Variants in AHCYL2 observed in about 807,000 individuals in gnomAD.
The protein encoded by AHCYL2 is adenosylhomocysteinase like 2.
AHCYL2 carries 28 observed loss-of-function variants against 81.4 expected under a neutral mutation model. The ratio of observed to expected loss-of-function variants is 0.34; its 90% CI spans 0.25 to 0.47. The LOEUF (loss-of-function observed/expected upper bound fraction) is 0.47, where lower values mean the gene tolerates loss of function less well. AHCYL2 is among the 20% of genes least tolerant of loss of function. AHCYL2 has a pLI of 1.00. For missense variants in AHCYL2, 551 were observed against 785.1 expected, an observed-to-expected ratio of 0.70 and a Z score of 3.56; for synonymous variants, 272 against 290.2, an observed-to-expected ratio of 0.94 and a Z score of 0.64.
intron 1 of AHCYL2, among the ~76,000 whole-genome samples, chr7:129,290,908 C>T (rs1218883427): frequency 6.7e-6 from 1 of 149,912 alleles, no homozygotes; most frequent in Admixed American, 6.7e-5. Flanking sequence ...CTAGCCTGGG[C>T]GACAGAGTGA....
chr7:129,334,272 C>T (rs745349006), intron 1 of AHCYL2, among the ~76,000 whole-genome samples: 1 of 152,162 alleles, frequency 6.6e-6, no homozygotes, highest in South Asian at 2.1e-4. Context: ...GGGAAGATGG[C>T]TGCCTAACTT....
At chr7:129,405,234 G>A in intron 8 of AHCYL2, 21 bp downstream of exon 8, 3 of 1,561,950 alleles carry the variant, frequency 1.9e-6, no homozygotes, top group African/African-American at 1.4e-5. Flanking sequence ...TTATCTTTGA[G>A]ATGAAGTTGT....
At chr7:129,281,346 A>G (rs141895846) in intron 1 of AHCYL2, among the ~76,000 whole-genome samples, 23 of 152,166 alleles carry the variant, frequency 1.5e-4, no homozygotes, top group African/African-American at 4.6e-4. Context: ...AGGCTTTGGT[A>G]TTAGGATAAT....
chr7:129,420,477 C>CTTTTT (rs11414828), intron 12 of AHCYL2, among the ~76,000 whole-genome samples: 2 of 126,832 alleles, frequency 1.6e-5, no homozygotes, highest in African/African-American at 2.9e-5. Flanking sequence ...TGCTTAAATT[C>CTTTTT]TTTTTTTTTT....
intron 1 of AHCYL2, among the ~76,000 whole-genome samples, chr7:129,350,240 C>T (rs1584810572): frequency 6.6e-6 from 1 of 152,126 alleles, no homozygotes; most frequent in East Asian, 1.9e-4. Context: ...GGGTCAGTCA[C>T]TTATCCTGTC....
chr7:129,304,935 G>GT (rs143666441), intron 1 of AHCYL2, among the ~76,000 whole-genome samples: 10,078 of 142,020 alleles, frequency 0.071, 1,076 homozygotes, highest in African/African-American at 0.24. Flanking sequence ...TTGTTTTCTG[G>GT]TTTTTTTTTT....
At chr7:129,399,200 G>C (rs539794223) in intron 5 of AHCYL2, among the ~76,000 whole-genome samples, 1 of 141,956 alleles carries the variant, frequency 7.0e-6, no homozygotes, top group East Asian at 2.2e-4. Flanking sequence ...TGTAATCCCA[G>C]CACTTTGGGA....
chr7:129,336,361 C>A (rs1345887344), intron 1 of AHCYL2, among the ~76,000 whole-genome samples: 1 of 152,106 alleles, frequency 6.6e-6, no homozygotes, highest in Non-Finnish European at 1.5e-5. Context: ...AGCCACCCCA[C>A]CCAGCCTGAA....
At chr7:129,411,861 A>G (rs186448508) in intron 11 of AHCYL2, among the ~76,000 whole-genome samples, 1 of 152,016 alleles carries the variant, frequency 6.6e-6, no homozygotes, top group African/African-American at 2.4e-5. Flanking sequence ...TGAGTAATGT[A>G]TCATTGTATG....
At chr7:129,411,823 A>G (rs1192527691) in intron 11 of AHCYL2, among the ~76,000 whole-genome samples, 1 of 151,762 alleles carries the variant, frequency 6.6e-6, no homozygotes, top group African/African-American at 2.4e-5. Flanking sequence ...GTGATGGCAT[A>G]TATCAGTACC....
chr7:129,370,176 C>T (rs374432464), intron 1 of AHCYL2, among the ~76,000 whole-genome samples: 11 of 152,114 alleles, frequency 7.2e-5, no homozygotes, highest in Admixed American at 2.0e-4. Context: ...TAGTCCTCAC[C>T]GTCTTACAAG....
chr7:129,410,702 A>T (rs1409790198), intron 11 of AHCYL2, among the ~76,000 whole-genome samples: 10 of 152,208 alleles, frequency 6.6e-5, no homozygotes, highest in Admixed American at 6.5e-4. Context: ...ATTCCCAAAG[A>T]GGTAGATTTT....
At chr7:129,400,543 C>T (rs775413182) in intron 6 of AHCYL2, among the ~76,000 whole-genome samples, 159 bp downstream of exon 6, 9 of 152,186 alleles carry the variant, frequency 5.9e-5, no homozygotes, top group Admixed American at 2.6e-4. Flanking sequence ...TCTTATGCTA[C>T]GGGTACCCCA....
chr7:129,374,096 T>C lies in AHCYL2; in HGVS notation c.364-5542T>C, dbSNP rs552561999. Among the ~76,000 whole-genome samples, 24 of 152,276 alleles carry C rather than the reference T, an allele frequency of 1.6e-4. 1 individual carries two copies. In the East Asian group the frequency reaches 1.9e-3, roughly 12 times the overall value. On this transcript the variant is annotated intron_variant, in intron 1 of 16. Coordinates refer to ENST00000325006, the MANE Select transcript of AHCYL2 (RefSeq NM_015328.4). Reference sequence around the variant, plus strand: ...ATGTCATTTCTAAGATGTAATCTGATACGAAAATGAATTTAAAGAGTAATT... The same window carrying C: ...ATGTCATTTCTAAGATGTAATCTGACACGAAAATGAATTTAAAGAGTAATT...
chr7:129,276,922 A>G (rs930539514), intron 1 of AHCYL2, among the ~76,000 whole-genome samples: 3 of 152,192 alleles, frequency 2.0e-5, no homozygotes, highest in Admixed American at 2.0e-4. Context: ...AGCATAGATT[A>G]TGAAATAACA....
rs369637888 is a variant in AHCYL2, at chr7:129,298,279, A to G, written c.363+72840A>G. On this transcript the variant is annotated intron_variant, in intron 1 of 16. Coordinates refer to ENST00000325006, the MANE Select transcript of AHCYL2 (RefSeq NM_015328.4). ...ATTTCTGATTCCTTAGTGAAATCTG[A>G]TTTAGGAAATACAAGGTAGCCTGGT... Among the ~76,000 whole-genome samples the G allele has an allele frequency of 1.8e-4, 27 of 152,314 alleles. No individual in the cohort carries two copies. The East Asian group carries it at 3.1e-3, about 17-fold the overall frequency.
At chr7:129,269,500 G>A (rs1288080572) in intron 1 of AHCYL2, among the ~76,000 whole-genome samples, 1 of 151,990 alleles carries the variant, frequency 6.6e-6, no homozygotes, top group Non-Finnish European at 1.5e-5. Context: ...TGCTAACCAG[G>A]CTGGTCTTGA....
chr7:129,393,834 G>A (rs1435026973), intron 4 of AHCYL2, among the ~76,000 whole-genome samples: 2 of 152,108 alleles, frequency 1.3e-5, no homozygotes, highest in Non-Finnish European at 2.9e-5. Context: ...AAATGTCATT[G>A]TTCCCAGATC....
chr7:129,256,486 G>A (rs1365375760), intron 1 of AHCYL2, among the ~76,000 whole-genome samples: 2 of 150,708 alleles, frequency 1.3e-5, no homozygotes, highest in Non-Finnish European at 2.9e-5. Context: ...ATATACAAAA[G>A]GTAGCAGCAT....
Sources: gnomAD v4.1 joint callset for allele counts (sites outside exome capture counted in the v4.1 genomes callset) on GRCh38, gnomAD v4.1.1 for gene constraint, MANE v1.5 for transcripts, NCBI Gene and HGNC (gene_info 2026-07-23, HGNC 2026-07-21) for gene names.